The following ALDH1A3 variants were observed in gnomAD, a reference collection of about 807,000 sequenced individuals.
ALDH1A3 encodes retinaldehyde dehydrogenase 3.
In ALDH1A3, 28 loss-of-function variants were observed where a neutral mutation model predicts 57.5. The ratio of observed to expected loss-of-function variants is 0.49; its 90% confidence interval spans 0.36 to 0.67. The LOEUF is 0.67. Among genes scored for constraint, ALDH1A3 ranks in the 30% least tolerant of loss-of-function variants. The pLI, the probability that ALDH1A3 is intolerant of heterozygous loss-of-function variation, is 0.00. For synonymous variants in ALDH1A3, 281 were observed against 264.8 expected (o/e 1.06, Z -0.59); for missense variants, 507 against 669.4 (o/e 0.76, Z 2.68).
At position 100,908,775 on chromosome 15, in the gene ALDH1A3, G is replaced by A. The variant is rs115724287; in HGVS notation, c.1466+293G>A. The stretch of plus-strand genomic sequence containing the variant: ...GATATTTGACAAAAGCTCCCTGGAC[G>A]GGGACACAGGCAGAACTGAAAAAGT... On this transcript the variant is annotated intron_variant, in intron 12 of 12. Transcript: ENST00000329841. Among the ~76,000 whole-genome samples, 977 of 152,246 alleles carry A rather than the reference G, an allele frequency of 6.4e-3. 13 individuals carry two copies. The highest frequency in any genetic ancestry group is 0.023 in the African/African-American group (947 of 41,526).
chr15:100,885,052 C>G (rs766003121), intron 1 of ALDH1A3, among the ~76,000 whole-genome samples: 3 of 152,110 alleles, frequency 2.0e-5, no homozygotes, highest in Non-Finnish European at 4.4e-5. Flanking sequence ...TTGACCAAAA[C>G]TTGAATTTCG....
In ALDH1A3 at chr15:100,911,564, A is replaced by C. The variant is rs191233163; in HGVS notation, c.1466+3082A>C. ...CTTGAGCATCTTTGATTCACCAGGCATGATGCTAGGCTCTGAGCATACTGC... is the reference window on the plus strand; with the variant it reads ...CTTGAGCATCTTTGATTCACCAGGCCTGATGCTAGGCTCTGAGCATACTGC... On this transcript the variant is annotated intron_variant, in intron 12 of 12. Transcript: ENST00000329841. 3.3e-5 allele frequency among the ~76,000 whole-genome samples: 5 copies of C among 152,352 alleles called. No homozygotes were observed. In the East Asian group the frequency reaches 9.6e-4, roughly 29 times the overall value.
At chr15:100,883,682 A>C (rs1208042522) in intron 1 of ALDH1A3, among the ~76,000 whole-genome samples, 1 of 151,486 alleles carries the variant, frequency 6.6e-6, no homozygotes, top group Non-Finnish European at 1.5e-5. Context: ...TCAACTTTTA[A>C]GTTCTGGGGT....
intron 1 of ALDH1A3, among the ~76,000 whole-genome samples, chr15:100,884,528 A>G (rs2041574954): frequency 6.7e-6 from 1 of 149,852 alleles, no homozygotes; most frequent in South Asian, 2.1e-4. Context: ...TTGTACTTCA[A>G]CGCTGGTTTA....
In ALDH1A3 at chr15:100,893,223, A is replaced by G. The variant is rs952390026; in HGVS notation, c.537+217A>G. ...CGGCTTTAGGCATGCCACAGAAAGCACTGTGGTTCCCAGCCAGAGTGGTCA... is the reference window on the plus strand; with the variant it reads ...CGGCTTTAGGCATGCCACAGAAAGCGCTGTGGTTCCCAGCCAGAGTGGTCA... On this transcript the variant is annotated intron_variant, in intron 5 of 12. Coordinates refer to ENST00000329841, the MANE Select transcript of ALDH1A3 (RefSeq NM_000693.4). The surrounding 1 kb of genome is among the most constrained non-coding windows in gnomAD (Gnocchi z 4.8). 2 of 450,696 alleles carry G rather than the reference A, an allele frequency of 4.4e-6. No homozygotes were observed. The highest frequency in any genetic ancestry group is 3.9e-5 in the African/African-American group (2 of 50,756). The allele number at this position is 450,696 out of a possible 1,614,324, so 27.9% of individuals were successfully genotyped here.
chr15:100,882,483 T>C (rs2041555662), intron 1 of ALDH1A3, among the ~76,000 whole-genome samples: 1 of 152,174 alleles, frequency 6.6e-6, no homozygotes, highest in African/African-American at 2.4e-5. Flanking sequence ...AAAATAAAAT[T>C]CCCCCAAATC....
Position 100,893,800 on chromosome 15 carries a change from T to C in ALDH1A3, c.538-154T>C. ...GCAGTTTAGGAAGTGCTGTGCAGGA[T>C]TGCAGTTCTGATCATTGCACACTCC... On this transcript the variant is annotated intron_variant, in intron 5 of 12. Coordinates refer to ENST00000329841, the MANE Select transcript of ALDH1A3 (RefSeq NM_000693.4). This position sits in a 1 kb window ranked among gnomAD's most constrained non-coding sequence, Gnocchi z 4.8. 3.0e-6 allele frequency: 3 copies of C among 984,730 alleles called. No homozygotes were observed. The highest frequency in any genetic ancestry group is 4.4e-6 in the Non-Finnish European group (3 of 676,336). The allele number at this position is 984,730 out of a possible 1,614,324, so 61.0% of individuals were successfully genotyped here.
At chr15:100,899,284 C>T (rs548925793) in intron 8 of ALDH1A3, among the ~76,000 whole-genome samples, 1 of 152,328 alleles carries the variant, frequency 6.6e-6, no homozygotes, top group African/African-American at 2.4e-5. Flanking sequence ...CGGAGCATTT[C>T]TGGCACTGTG....
rs2041603764 is a variant in ALDH1A3, at chr15:100,887,232, G to T, written c.205-340G>T. Among the ~76,000 whole-genome samples, 1 of 152,088 alleles carries T rather than the reference G, an allele frequency of 6.6e-6. No individual in the cohort carries two copies. The highest frequency in any genetic ancestry group is 2.1e-4 in the South Asian group (1 of 4,822). ...GGACAATCTGCTGTTCTCTATAACT[G>T]ATGGCCGTGGTCCCAAACTGCAGTC... On this transcript the variant is annotated intron_variant, in intron 2 of 12. Coordinates refer to ENST00000329841, the MANE Select transcript of ALDH1A3 (RefSeq NM_000693.4). The surrounding 1 kb of genome is among the most constrained non-coding windows in gnomAD (Gnocchi z 4.6).
Position 100,889,934 on chromosome 15 carries a change from T to C in ALDH1A3, c.345+2222T>C, listed in dbSNP as rs1424995080. Among the ~76,000 whole-genome samples, 6 of 152,246 alleles carry C rather than the reference T, an allele frequency of 3.9e-5. No homozygotes were observed. Among genetic ancestry groups the C allele is most frequent in the African/African-American group, 1.4e-4 (6 of 41,470 alleles). On this transcript the variant is annotated intron_variant, in intron 3 of 12. Coordinates refer to ENST00000329841, the MANE Select transcript of ALDH1A3 (RefSeq NM_000693.4). This position sits in a 1 kb window ranked among gnomAD's most constrained non-coding sequence, Gnocchi z 5.1. Reference sequence around the variant, plus strand: ...GCGCCCCTTGCTCTCCACCTCGATATGGTTTCCGTGCATGTTCATGGAGCG... The same window carrying C: ...GCGCCCCTTGCTCTCCACCTCGATACGGTTTCCGTGCATGTTCATGGAGCG...
intron 1 of ALDH1A3, among the ~76,000 whole-genome samples, chr15:100,882,574 T>C: frequency 6.6e-6 from 1 of 152,236 alleles, no homozygotes; most frequent in East Asian, 1.9e-4. Context: ...TCGGCATCAA[T>C]AGGATTCACT....
rs181508470 is a variant in ALDH1A3 at position 100,887,903 on chromosome 15, T to G, written c.345+191T>G. ...CCTCTAGACTGAATCCCTTTCATTT[T>G]GAAGTCAGACTTTTGTCCTCTGCAG... On this transcript the variant is annotated intron_variant, in intron 3 of 12. Coordinates refer to ENST00000329841, the MANE Select transcript of ALDH1A3 (RefSeq NM_000693.4). This position sits in a 1 kb window ranked among gnomAD's most constrained non-coding sequence, Gnocchi z 4.6. 9.2e-5 allele frequency among the ~76,000 whole-genome samples: 14 copies of G among 152,320 alleles called. No individual in the cohort carries two copies. Among genetic ancestry groups the G allele is most frequent in the Admixed American group, 1.3e-4 (2 of 15,298 alleles).
chr15:100,901,324 T>C (rs1178106550), intron 9 of ALDH1A3, among the ~76,000 whole-genome samples: 1 of 152,234 alleles, frequency 6.6e-6, no homozygotes, highest in African/African-American at 2.4e-5. Context: ...CCTGTATCAC[T>C]TTCTTACTAA....
rs71151987 is a variant in ALDH1A3, at chr15:100,907,844, C to CTTTTTTTTTTT, written c.1392-552_1392-542dup. On this transcript the variant is annotated intron_variant, in intron 11 of 12. Transcript: ENST00000329841. ...GATTTTTCTTTTTCTTTCTTTCTTT[C>CTTTTTTTTTTT]TTTTTTTTTTTTTTTTTTTTTTGAG... Among the ~76,000 whole-genome samples, 329 of 81,902 alleles carry CTTTTTTTTTTT rather than the reference C, an allele frequency of 4.0e-3. 2 individuals carry two copies. Among genetic ancestry groups the CTTTTTTTTTTT allele is most frequent in the South Asian group, 7.7e-3 (13 of 1,686 alleles). The allele number at this position is 81,902 out of a possible 152,430, so 53.7% of individuals were successfully genotyped here. A position where few individuals can be genotyped will look rare whatever the true frequency, so the allele number is the denominator to read the frequency against.
rs75726102 is a variant in ALDH1A3 at position 100,887,881 on chromosome 15, C to G, written c.345+169C>G. 6.6e-6 allele frequency among the ~76,000 whole-genome samples: 1 copy of G among 152,158 alleles called. No homozygotes were observed. On this transcript the variant is annotated intron_variant, in intron 3 of 12. Coordinates refer to ENST00000329841, the MANE Select transcript of ALDH1A3 (RefSeq NM_000693.4). The surrounding 1 kb of genome is among the most constrained non-coding windows in gnomAD (Gnocchi z 4.6). Reference sequence around the variant, plus strand: ...GCAATACTTGCAGGTGTTAATGCCTCTAGACTGAATCCCTTTCATTTTGAA... The same window carrying G: ...GCAATACTTGCAGGTGTTAATGCCTGTAGACTGAATCCCTTTCATTTTGAA...
Position 100,892,711 on chromosome 15 carries a change from C to A in ALDH1A3, c.475+72C>A, listed in dbSNP as rs562844161. 17 of 1,534,056 alleles carry A rather than the reference C, an allele frequency of 1.1e-5. No homozygotes were observed. The East Asian group carries it at 3.6e-4, about 33-fold the overall frequency. On this transcript the variant is annotated intron_variant, in intron 4 of 12. Coordinates refer to ENST00000329841, the MANE Select transcript of ALDH1A3 (RefSeq NM_000693.4). ...TATCTTTTCATTAATCCAGAGCCCC[C>A]CCTGACTGTTTCCCTAAGGCACCAT...
chr15:100,897,715 C>T (rs758890365), intron 7 of ALDH1A3, among the ~76,000 whole-genome samples: 5 of 152,234 alleles, frequency 3.3e-5, no homozygotes, highest in Non-Finnish European at 4.4e-5. Context: ...AGTCACCCTG[C>T]GGTCCCTGAA....
intron 2 of ALDH1A3, 105 bp downstream of exon 2, chr15:100,885,476 G>A (rs778417982): frequency 2.5e-6 from 2 of 799,720 alleles, no homozygotes; most frequent in Non-Finnish European, 4.1e-6. Flanking sequence ...CTATCCTGGG[G>A]GCAGGGCCTG....
intron 1 of ALDH1A3, among the ~76,000 whole-genome samples, chr15:100,884,073 T>C (rs1339916863): frequency 1.3e-5 from 2 of 152,202 alleles, no homozygotes; most frequent in Non-Finnish European, 2.9e-5. Context: ...TTGAGAGACA[T>C]GCGTGTCAGC....
Sources: allele counts gnomAD v4.1 joint callset (sites outside exome capture counted in the v4.1 genomes callset), GRCh38; gene constraint gnomAD v4.1.1; non-coding constraint Gnocchi (gnomAD v3.1); transcripts MANE v1.5; gene names NCBI Gene and HGNC (gene_info 2026-07-23, HGNC 2026-07-21).